TCP11L2: variants seen among roughly 807,000 people sequenced by gnomAD.
TCP11L2 encodes T-complex protein 11-like protein 2.
Under a neutral mutation model 50.7 loss-of-function variants are expected in TCP11L2, and 39 were observed. The ratio of observed to expected loss-of-function variants is 0.77; its 90% CI spans 0.60 to 1.01. The LOEUF is 1.01. Ranked by LOEUF, TCP11L2 falls within the 50% of genes least tolerant of loss-of-function variation. The probability of loss-of-function intolerance (pLI) is 0.00; values close to 1 mark genes in which losing one functional copy is unlikely to be tolerated. For missense variants in TCP11L2, 612 were observed against 614.7 expected, an observed-to-expected ratio of 1.00 and a Z score of 0.05; for synonymous variants, 192 against 219.3, an observed-to-expected ratio of 0.88 and a Z score of 1.10.
intron 7 of TCP11L2, 63 bp downstream of exon 7, chr12:106,335,889 ATCATC>A: frequency 6.3e-7 from 1 of 1,574,936 alleles, no homozygotes; most frequent in Non-Finnish European, 8.6e-7. Flanking sequence ...CTAACTTTGA[ATCATC>A]TGGTCTGTGT....
At chr12:106,339,329 C>T (rs1356186766) in intron 8 of TCP11L2, among the ~76,000 whole-genome samples, 1 of 151,976 alleles carries the variant, frequency 6.6e-6, no homozygotes, top group Non-Finnish European at 1.5e-5. Context: ...TTAATGAGGT[C>T]GTTTTTTGCT....
At chr12:106,326,953 TC>T (rs2035569364) in intron 6 of TCP11L2, among the ~76,000 whole-genome samples, 1 of 152,178 alleles carries the variant, frequency 6.6e-6, no homozygotes. Context: ...GAACCCTACA[TC>T]GAACCTGGAT....
intron 6 of TCP11L2, among the ~76,000 whole-genome samples, chr12:106,332,848 G>A (rs912674024): frequency 1.3e-5 from 2 of 152,060 alleles, no homozygotes; most frequent in Non-Finnish European, 2.9e-5. Context: ...TGGAAGTTAG[G>A]GCTTCATGAT....
intron 4 of TCP11L2, 83 bp from the exon 5 acceptor site, chr12:106,321,403 C>A: frequency 8.2e-7 from 1 of 1,218,504 alleles, no homozygotes; most frequent in Non-Finnish European, 1.2e-6. Context: ...GGGCAAAGAG[C>A]TTGGTCATCT....
At chr12:106,341,613 G>A (rs1376748081) in intron 9 of TCP11L2, among the ~76,000 whole-genome samples, 1 of 152,218 alleles carries the variant, frequency 6.6e-6, no homozygotes, top group African/African-American at 2.4e-5. Context: ...GGGTAGGACT[G>A]GCTTCTGGTA....
intron 8 of TCP11L2, among the ~76,000 whole-genome samples, chr12:106,340,400 T>C (rs994351455): frequency 2.6e-5 from 4 of 152,236 alleles, no homozygotes; most frequent in South Asian, 2.1e-4. Flanking sequence ...ATTGGTGTTA[T>C]AGATTTACTG....
chr12:106,299,138 G>GT (rs1217400324), upstream of TCP11L2, among the ~76,000 whole-genome samples: 4 of 151,946 alleles, frequency 2.6e-5, no homozygotes, highest in Admixed American at 6.6e-5. Context: ...TTTTGTTTTT[G>GT]TTTTTTTCAA....
At chr12:106,337,306 C>G (rs928183239) in intron 8 of TCP11L2, among the ~76,000 whole-genome samples, 1 of 152,160 alleles carries the variant, frequency 6.6e-6, no homozygotes, top group African/African-American at 2.4e-5. Context: ...GTTACAGAAT[C>G]CAACTTCTCA....
upstream of TCP11L2, among the ~76,000 whole-genome samples, chr12:106,300,482 A>T (rs547357577): frequency 3.9e-4 from 59 of 152,242 alleles, no homozygotes; most frequent in African/African-American, 1.3e-3. Flanking sequence ...GGTGCGTGCC[A>T]CCACGCCCAG....
chr12:106,326,395 T>C (rs1234517151), intron 6 of TCP11L2, among the ~76,000 whole-genome samples: 2 of 152,088 alleles, frequency 1.3e-5, no homozygotes, highest in African/African-American at 4.8e-5. Context: ...CTGGTGAAAT[T>C]CTGTAGGGCA....
chr12:106,340,129 AC>A (rs917703618), intron 8 of TCP11L2, among the ~76,000 whole-genome samples: 9 of 152,144 alleles, frequency 5.9e-5, no homozygotes, highest in Non-Finnish European at 1.2e-4. Flanking sequence ...TATCTTAAGG[AC>A]CTTTTCTGGA....
chr12:106,346,677 C>G lies in TCP11L2; in HGVS notation c.*147C>G. On this transcript the variant is annotated 3_prime_UTR_variant, in exon 10 of 10. Coordinates refer to ENST00000299045, the MANE Select transcript of TCP11L2 (RefSeq NM_152772.3). Reference sequence around the variant, plus strand: ...TGTGTAATGGGTAATATTAGCATTACAGAAGACACACACATCACATAGACC... The same window carrying G: ...TGTGTAATGGGTAATATTAGCATTAGAGAAGACACACACATCACATAGACC... 1.1e-6 allele frequency: 1 copy of G among 933,224 alleles called. No homozygotes were observed. Among genetic ancestry groups the G allele is most frequent in the Non-Finnish European group, 1.5e-6 (1 of 647,956 alleles). The allele number at this position is 933,224 out of a possible 1,614,324, so 57.8% of individuals were successfully genotyped here.
intron 1 of TCP11L2, among the ~76,000 whole-genome samples, chr12:106,310,013 G>A (rs2034790051): frequency 6.6e-6 from 1 of 152,032 alleles, no homozygotes; most frequent in Admixed American, 6.6e-5. Flanking sequence ...CCTTGAGCCC[G>A]GGTTTCCCCT....
intron 8 of TCP11L2, among the ~76,000 whole-genome samples, chr12:106,337,025 C>G (rs1336905580): frequency 6.6e-6 from 1 of 151,900 alleles, no homozygotes; most frequent in East Asian, 1.9e-4. Context: ...TGCTAGAATC[C>G]CATTTAGATT....
At chr12:106,339,793 C>T (rs1005730572) in intron 8 of TCP11L2, among the ~76,000 whole-genome samples, 1 of 152,230 alleles carries the variant, frequency 6.6e-6, no homozygotes, top group Non-Finnish European at 1.5e-5. Flanking sequence ...AATTTTATTA[C>T]AATCAGTCTA....
At chr12:106,320,917 C>CAT (rs2035312349) in intron 4 of TCP11L2, among the ~76,000 whole-genome samples, 1 of 152,164 alleles carries the variant, frequency 6.6e-6, no homozygotes, top group Admixed American at 6.5e-5. Flanking sequence ...AACCTACCAC[C>CAT]ATGGCAGCTG....
At chr12:106,306,254 T>C (rs183189362) in intron 1 of TCP11L2, among the ~76,000 whole-genome samples, 3 of 152,374 alleles carry the variant, frequency 2.0e-5, no homozygotes, top group Admixed American at 2.0e-4. Flanking sequence ...GGAAATACTT[T>C]CAAACTTACA....
intron 5 of TCP11L2, among the ~76,000 whole-genome samples, chr12:106,323,238 C>G (rs929892738): frequency 6.6e-6 from 1 of 152,076 alleles, no homozygotes; most frequent in African/African-American, 2.4e-5. Context: ...TTTAAAATTT[C>G]AGGGGTTTTC....
At chr12:106,313,942 A>G (rs1329729664) in intron 2 of TCP11L2, among the ~76,000 whole-genome samples, 1 of 151,582 alleles carries the variant, frequency 6.6e-6, no homozygotes, top group Non-Finnish European at 1.5e-5. Context: ...ATTTTTTTGT[A>G]TTTTTAGTAG....
Sources: allele counts gnomAD v4.1 joint callset (sites outside exome capture counted in the v4.1 genomes callset), GRCh38; gene constraint gnomAD v4.1.1; transcripts MANE v1.5; gene names NCBI Gene and HGNC (gene_info 2026-07-23, HGNC 2026-07-21).